The following CMTM3 variants were observed in gnomAD, a reference collection of about 807,000 sequenced individuals.
CMTM3 encodes the protein CKLF like MARVEL transmembrane domain containing 3.
Under a neutral mutation model 18.2 loss-of-function variants are expected in CMTM3, and 7 were observed. The observed-to-expected ratio is 0.38, with a 90% confidence interval of 0.22 to 0.72. The LOEUF (loss-of-function observed/expected upper bound fraction) is 0.72, where lower values mean the gene tolerates loss of function less well. Ranked by LOEUF, CMTM3 falls within the 30% of genes least tolerant of loss-of-function variation. The pLI is 0.46. For missense variants in CMTM3, 227 were observed against 249.2 expected (o/e 0.91, Z 0.60); for synonymous variants, 109 against 111.2 (o/e 0.98, Z 0.12).
rs925591403 is a variant in CMTM3 at position 66,609,177 on chromosome 16, C to A, written c.304-258C>A. On this transcript the variant is annotated intron_variant, in intron 2 of 4. Transcript: ENST00000567572. The surrounding 1 kb of genome is among the most constrained non-coding windows in gnomAD (Gnocchi z 4.4). ...ACCGCATCGCAGGGCAGGCTGCACC[C>A]TGATCCACACAGTTTTTTGCCCAGA... 2.0e-5 allele frequency among the ~76,000 whole-genome samples: 3 copies of A among 151,784 alleles called. No homozygotes were observed. Among genetic ancestry groups the A allele is most frequent in the African/African-American group, 7.3e-5 (3 of 41,330 alleles).
upstream of CMTM3, chr16:66,604,564 T>TGCGGAG (rs1211524881): frequency 1.6e-5 from 5 of 317,902 alleles, no homozygotes; most frequent in Non-Finnish European, 2.8e-5. Flanking sequence ...AGGTGGAGTC[T>TGCGGAG]GCGGAGGCCC....
chr16:66,609,566 T>C lies in CMTM3; in HGVS notation c.399+36T>C, dbSNP rs140101654. The stretch of plus-strand genomic sequence containing the variant: ...GCCCCACCCCTCTGGAAACTGCAGA[T>C]GCCCCTCTAGCCCCTCATTTAGGGT... On this transcript the variant is annotated intron_variant, in intron 3 of 4. Coordinates refer to ENST00000567572, the MANE Select transcript of CMTM3 (RefSeq NM_181553.4). The surrounding 1 kb of genome is among the most constrained non-coding windows in gnomAD (Gnocchi z 4.4). 148 of 1,555,818 alleles carry C rather than the reference T, an allele frequency of 9.5e-5. No individual in the cohort carries two copies. The African/African-American group carries it at 1.8e-3, about 19-fold the overall frequency.
intron 1 of CMTM3, among the ~76,000 whole-genome samples, chr16:66,606,300 A>T (rs116506837): frequency 0.012 from 1,870 of 152,076 alleles, 35 homozygotes; most frequent in African/African-American, 0.037. Flanking sequence ...AAAAAACAGG[A>T]ATTGAGAGGG....
At chr16:66,604,977 G>C in intron 1 of CMTM3, 25 bp downstream of exon 1, 2 of 1,467,336 alleles carry the variant, frequency 1.4e-6, no homozygotes, top group South Asian at 1.3e-5. Flanking sequence ...ACCCTCGGCC[G>C]CCCCGCTAGG....
At chr16:66,606,023 A>ACC (rs561033326) in intron 1 of CMTM3, among the ~76,000 whole-genome samples, 1 of 148,796 alleles carries the variant, frequency 6.7e-6, no homozygotes, top group Non-Finnish European at 1.5e-5. Context: ...AGTGGCTTGA[A>ACC]CCCCCCCATC....
At chr16:66,611,736 A>G (rs2015384514) in intron 4 of CMTM3, among the ~76,000 whole-genome samples, 1 of 152,146 alleles carries the variant, frequency 6.6e-6, no homozygotes, top group South Asian at 2.1e-4. Context: ...AAGGCTCTAC[A>G]GAGCTCCGAG....
At chr16:66,604,051 T>TGA (rs944454339), upstream of CMTM3, 77 of 150,826 alleles carry the variant, frequency 5.1e-4, no homozygotes, top group South Asian at 0.01. Context: ...TGTGTGTGTG[T>TGA]GAGAGAGAGA....
At position 66,609,508 on chromosome 16, in the gene CMTM3, A is replaced by G. The variant is rs2015291529; in HGVS notation, c.377A>G (p.Asp126Gly). 4.4e-6 allele frequency: 7 copies of G among 1,606,834 alleles called. No individual in the cohort carries two copies. The highest frequency in any genetic ancestry group is 5.1e-6 in the Non-Finnish European group (6 of 1,176,654). The stretch of plus-strand genomic sequence containing the variant: ...ATCACGGCCATCGCCAAGTACTCGG[A>G]TGGGGCTTCCAAAGCCGCTGGGGTG... ...ISITAIAKYS[D>G]GASKAAGVFG... The change falls in exon 3 of 5, where the codon GAT becomes GGT. Residue 126 changes from aspartate to glycine, a missense_variant. Transcript: ENST00000567572. This position sits in a 1 kb window ranked among gnomAD's most constrained non-coding sequence, Gnocchi z 4.4.
rs559511098 is a variant in CMTM3 at position 66,609,054 on chromosome 16, T to C, written c.304-381T>C. Among the ~76,000 whole-genome samples the C allele has an allele frequency of 6.6e-6, 1 of 152,272 alleles. No individual in the cohort carries two copies. Among genetic ancestry groups the C allele is most frequent in the African/African-American group, 2.4e-5 (1 of 41,564 alleles). On this transcript the variant is annotated intron_variant, in intron 2 of 4. Coordinates refer to ENST00000567572, the MANE Select transcript of CMTM3 (RefSeq NM_181553.4). The surrounding 1 kb of genome is among the most constrained non-coding windows in gnomAD (Gnocchi z 4.4). Reference sequence around the variant, plus strand: ...GCAGAAACTGTGGTCCATGAATGGATCGGCCACAAGAGTGTGACAAAGCCG... The same window carrying C: ...GCAGAAACTGTGGTCCATGAATGGACCGGCCACAAGAGTGTGACAAAGCCG...
At chr16:66,611,282 ATC>A in intron 4 of CMTM3, among the ~76,000 whole-genome samples, 1 of 152,178 alleles carries the variant, frequency 6.6e-6, no homozygotes, top group South Asian at 2.1e-4. Context: ...GTGAAACCCC[ATC>A]TCTACTAAAA....
rs1476042220 is a variant in CMTM3, at chr16:66,610,501, A to G, written c.520+498A>G. Among the ~76,000 whole-genome samples, 6 of 152,298 alleles carry G rather than the reference A, an allele frequency of 3.9e-5. No homozygotes were observed. Among genetic ancestry groups the G allele is most frequent in the Admixed American group, 2.0e-4 (3 of 15,302 alleles). On this transcript the variant is annotated intron_variant, in intron 4 of 4. Coordinates refer to ENST00000567572, the MANE Select transcript of CMTM3 (RefSeq NM_181553.4). This position sits in a 1 kb window ranked among gnomAD's most constrained non-coding sequence, Gnocchi z 4.6. ...TGACGACAGTAAAACAGGAGCCGAT[A>G]GAGGGAGGGATACAGTAGCTGAAAG...
At chr16:66,604,976 C>T in intron 1 of CMTM3, 24 bp downstream of exon 1, 2 of 1,471,582 alleles carry the variant, frequency 1.4e-6, no homozygotes, top group Non-Finnish European at 1.8e-6. Flanking sequence ...GACCCTCGGC[C>T]GCCCCGCTAG....
intron 1 of CMTM3, among the ~76,000 whole-genome samples, chr16:66,607,150 TCAGGGTAC>T (rs762393750): frequency 1.6e-4 from 25 of 152,218 alleles, no homozygotes; most frequent in Non-Finnish European, 3.1e-4. Context: ...CCCGTGAGCC[TCAGGGTAC>T]CAGGCACTGT....
upstream of CMTM3, chr16:66,604,161 G>A (rs903173763): frequency 2.6e-5 from 4 of 152,876 alleles, no homozygotes; most frequent in Admixed American, 1.3e-4. Context: ...GTCTGTGTGT[G>A]TGCCTGGAGC....
At chr16:66,607,689 G>A (rs770739913) in intron 1 of CMTM3, among the ~76,000 whole-genome samples, 1 of 152,100 alleles carries the variant, frequency 6.6e-6, no homozygotes, top group Non-Finnish European at 1.5e-5. Context: ...ATTTCCCTCC[G>A]CAGGGCACTG....
chr16:66,604,625 C>T (rs2015052575), upstream of CMTM3: 1 of 302,462 alleles, frequency 3.3e-6, no homozygotes, highest in Admixed American at 1.4e-4. Flanking sequence ...AGCCGGGGTC[C>T]GAGGGGGAGG....
In CMTM3 at chr16:66,613,193, C is replaced by T. The variant is rs2015449369; in HGVS notation, c.*556C>T. ...ATTCTTGAAGCAGGGAGAAATTGAC[C>T]TTTGCCTTGTCGCCCAGGAAGTGGG... On this transcript the variant is annotated 3_prime_UTR_variant, in exon 5 of 5. Coordinates refer to ENST00000567572, the MANE Select transcript of CMTM3 (RefSeq NM_181553.4). 1 of 696,632 alleles carries T rather than the reference C, an allele frequency of 1.4e-6. No individual in the cohort carries two copies. Among genetic ancestry groups the T allele is most frequent in the South Asian group, 1.5e-5 (1 of 67,352 alleles). 43.2% of individuals were successfully genotyped at this position (696,632 alleles called of 1,614,324 possible). A position where few individuals can be genotyped will look rare whatever the true frequency, so the allele number is the denominator to read the frequency against.
intron 1 of CMTM3, among the ~76,000 whole-genome samples, chr16:66,606,490 A>T (rs1049167730): frequency 6.6e-6 from 1 of 151,646 alleles, no homozygotes; most frequent in East Asian, 2.0e-4. Context: ...GTGCAGAGCA[A>T]ATGGGGGTGC....
At chr16:66,611,678 T>G (rs355940) in intron 4 of CMTM3, among the ~76,000 whole-genome samples, 7,715 of 151,768 alleles carry the variant, frequency 0.051, 303 homozygotes, top group Admixed American at 0.11. Context: ...GGGGTGGGGT[T>G]GGGGGTTAGT....
Sources: allele counts gnomAD v4.1 joint callset (sites outside exome capture counted in the v4.1 genomes callset), GRCh38; gene constraint gnomAD v4.1.1; non-coding constraint Gnocchi (gnomAD v3.1); transcripts MANE v1.5; gene names NCBI Gene and HGNC (gene_info 2026-07-23, HGNC 2026-07-21).